The following MEMO1 variants were observed in gnomAD, a reference collection of about 807,000 sequenced individuals.
MEMO1 encodes mediator of cell motility 1.
Under a neutral mutation model 45.2 loss-of-function variants are expected in MEMO1, and 6 were observed. The ratio of observed to expected loss-of-function variants is 0.13; its 90% CI spans 0.07 to 0.26. The LOEUF is 0.26. Ranked by LOEUF, MEMO1 falls within the 10% of genes least tolerant of loss-of-function variation. MEMO1 has a pLI of 1.00. For synonymous variants in MEMO1, 78 were observed against 124.3 expected (o/e 0.63, Z 2.48); for missense variants, 184 against 370.5 (o/e 0.50, Z 4.13).
chr2:31,933,351 T>TAAAAAAAAAAAAA (rs869274123), intron 3 of MEMO1, among the ~76,000 whole-genome samples: 1 of 45,088 alleles, frequency 2.2e-5, no homozygotes, highest in Non-Finnish European at 3.7e-5. Flanking sequence ...AAAAAAAAAT[T>TAAAAAAAAAAAAA]TATATATATA....
At chr2:32,007,252 T>C (rs906010635) in intron 2 of MEMO1, among the ~76,000 whole-genome samples, 2 of 152,182 alleles carry the variant, frequency 1.3e-5, no homozygotes, top group African/African-American at 2.4e-5. Context: ...GGTTTCCCAA[T>C]CCAATGTTCC....
At chr2:31,964,034 C>T (rs1277103914) in intron 2 of MEMO1, among the ~76,000 whole-genome samples, 1 of 152,090 alleles carries the variant, frequency 6.6e-6, no homozygotes, top group African/African-American at 2.4e-5. Flanking sequence ...TTTCTTTTCA[C>T]TTTTTAAAAA....
At chr2:31,993,677 G>C (rs1030374402) in intron 2 of MEMO1, among the ~76,000 whole-genome samples, 10 of 152,176 alleles carry the variant, frequency 6.6e-5, no homozygotes, top group Non-Finnish European at 1.2e-4. Flanking sequence ...CAAAGCCAAA[G>C]AAACTCTTCT....
chr2:31,940,549 A>G (rs1481853040), intron 3 of MEMO1, among the ~76,000 whole-genome samples: 1 of 152,220 alleles, frequency 6.6e-6, no homozygotes, highest in Non-Finnish European at 1.5e-5. Flanking sequence ...TGTCTTAAAA[A>G]TATATTTAAA....
intron 6 of MEMO1, among the ~76,000 whole-genome samples, chr2:31,897,064 C>A (rs997966906): frequency 6.6e-6 from 1 of 152,142 alleles, no homozygotes. Context: ...TTTTTGCACA[C>A]TGATTTTGTA....
intron 6 of MEMO1, among the ~76,000 whole-genome samples, chr2:31,892,792 C>T (rs984737160): frequency 2.0e-5 from 3 of 152,150 alleles, no homozygotes; most frequent in African/African-American, 7.2e-5. Flanking sequence ...ACCACACCCA[C>T]CCACAATGTT....
intron 7 of MEMO1, among the ~76,000 whole-genome samples, chr2:31,888,524 T>C (rs1034166512): frequency 6.6e-6 from 1 of 151,978 alleles, no homozygotes; most frequent in Non-Finnish European, 1.5e-5. Flanking sequence ...AAAATTAAAA[T>C]AGGTCCAGAC....
chr2:31,943,031 G>C lies in MEMO1; in HGVS notation c.143+271C>G, dbSNP rs1405031496. Among the ~76,000 whole-genome samples the C allele has an allele frequency of 3.9e-5, 6 of 152,164 alleles. No individual in the cohort carries two copies. The East Asian group carries it at 1.2e-3, about 29-fold the overall frequency. ...GTGCAGGCCAGGCGTGAGCGAGACC[G>C]AGGCAGGTGGATCATTTGAGGTCGG... On this transcript the variant is annotated intron_variant, in intron 3 of 9. Transcript: ENST00000404530.
chr2:31,908,535 GGAA>G (rs1572644133), intron 6 of MEMO1, among the ~76,000 whole-genome samples: 1 of 152,236 alleles, frequency 6.6e-6, no homozygotes. Context: ...CCCAAAAACT[GGAA>G]GTATGGACAG....
intron 8 of MEMO1, among the ~76,000 whole-genome samples, chr2:31,882,153 A>G (rs1675489186): frequency 6.6e-6 from 1 of 151,736 alleles, no homozygotes; most frequent in South Asian, 2.1e-4. Context: ...CTAAATAAAT[A>G]AATAAATAAA....
chr2:31,933,576 G>C (rs1396757856), intron 3 of MEMO1, among the ~76,000 whole-genome samples: 2 of 151,422 alleles, frequency 1.3e-5, no homozygotes, highest in African/African-American at 2.4e-5. Flanking sequence ...TCACAACAAG[G>C]CTCTTTTTTA....
At chr2:31,938,545 G>A (rs1163681107) in intron 3 of MEMO1, among the ~76,000 whole-genome samples, 1 of 151,958 alleles carries the variant, frequency 6.6e-6, no homozygotes, top group Non-Finnish European at 1.5e-5. Flanking sequence ...CTACTCGGGA[G>A]GCTGAGGCAG....
At chr2:32,009,569 T>G (rs576566697) in intron 2 of MEMO1, among the ~76,000 whole-genome samples, 2 of 152,218 alleles carry the variant, frequency 1.3e-5, no homozygotes, top group East Asian at 3.9e-4. Flanking sequence ...TGCCTCCTTC[T>G]CCAGCACCAG....
intron 2 of MEMO1, among the ~76,000 whole-genome samples, chr2:32,000,051 A>AT (rs954863484): frequency 2.6e-5 from 4 of 151,628 alleles, no homozygotes; most frequent in Non-Finnish European, 4.4e-5. Context: ...CATCCAGCTA[A>AT]TTTTTTTATT....
intron 6 of MEMO1, among the ~76,000 whole-genome samples, chr2:31,915,969 A>G (rs777568779): frequency 1.3e-5 from 2 of 152,146 alleles, no homozygotes; most frequent in African/African-American, 2.4e-5. Flanking sequence ...AATGAGTCCA[A>G]CTAATGCTAC....
chr2:31,950,673 A>G (rs1021090239), intron 2 of MEMO1, among the ~76,000 whole-genome samples: 1 of 151,706 alleles, frequency 6.6e-6, no homozygotes, highest in Non-Finnish European at 1.5e-5. Flanking sequence ...GTGAGCTGAG[A>G]TAACGACACT....
At chr2:31,965,748 C>T (rs1240717142) in intron 2 of MEMO1, among the ~76,000 whole-genome samples, 2 of 152,128 alleles carry the variant, frequency 1.3e-5, no homozygotes, top group Non-Finnish European at 2.9e-5. Context: ...CATGTTCTCA[C>T]TTATAAGTAG....
intron 3 of MEMO1, among the ~76,000 whole-genome samples, chr2:31,937,276 T>TAA (rs1441330987): frequency 1.3e-5 from 2 of 152,214 alleles, no homozygotes; most frequent in African/African-American, 4.8e-5. Flanking sequence ...TAGAATCTCA[T>TAA]AAATATTAAA....
chr2:31,878,463 A>C (rs1394571580), intron 8 of MEMO1, among the ~76,000 whole-genome samples: 1 of 152,144 alleles, frequency 6.6e-6, no homozygotes, highest in African/African-American at 2.4e-5. Flanking sequence ...TAAGAAGACC[A>C]GTTAGGAAAG....
Sources: gnomAD v4.1 joint callset for allele counts (sites outside exome capture counted in the v4.1 genomes callset) on GRCh38, gnomAD v4.1.1 for gene constraint, MANE v1.5 for transcripts, NCBI Gene and HGNC (gene_info 2026-07-23, HGNC 2026-07-21) for gene names.